HSPG2: variants seen among roughly 807,000 people sequenced by gnomAD.
HSPG2 encodes heparan sulfate proteoglycan 2, also known as basement membrane-specific heparan sulfate proteoglycan core protein.
Under a neutral mutation model 526.6 loss-of-function variants are expected in HSPG2, and 278 were observed. That is an observed-to-expected ratio of 0.53 (90% CI 0.48 to 0.58). The LOEUF (loss-of-function observed/expected upper bound fraction) is 0.58, where lower values mean the gene tolerates loss of function less well. HSPG2 is among the 20% of genes least tolerant of loss of function. The pLI, the probability that HSPG2 is intolerant of heterozygous loss-of-function variation, is 0.00. For synonymous variants in HSPG2, 2,465 were observed against 2,555.4 expected (o/e 0.96, Z 1.07); for missense variants, 5,354 against 6,099.5 (o/e 0.88, Z 4.07).
Position 21,833,625 on chromosome 1 carries a change from A to G in HSPG2, c.10831-11T>C, listed in dbSNP as rs1176147505. ...CAGGCTGCCATCCAGCTGCAAATGC[A>G]CTAGCACTGAGGGCCCTGGCCTTGG... On this transcript the variant is annotated splice_polypyrimidine_tract_variant and intron_variant, in intron 78 of 96. Transcript: ENST00000374695. The G allele has an allele frequency of 6.2e-7, 1 of 1,613,978 alleles. No individual in the cohort carries two copies. Among genetic ancestry groups the G allele is most frequent in the South Asian group, 1.1e-5 (1 of 91,068 alleles).
In HSPG2 at chr1:21,845,977, G is replaced by T; in HGVS notation, c.8464+131C>A. The T allele has an allele frequency of 5.3e-6, 6 of 1,139,516 alleles. No individual in the cohort carries two copies. The South Asian group carries it at 8.0e-5, about 15-fold the overall frequency. The allele number at this position is 1,139,516 out of a possible 1,614,324, so 70.6% of individuals were successfully genotyped here. ...TCCTGGGACCGTGTGGGTGGCGGGA[G>T]GTGAAGTCTGGAATCAGAGCGGCAG... On this transcript the variant is annotated intron_variant, in intron 64 of 96. Transcript: ENST00000374695.
rs772375367 is a variant in HSPG2, at chr1:21,846,543, C to G, written c.8221G>C (p.Gly2741Arg). The G allele has an allele frequency of 2.5e-6, 4 of 1,613,654 alleles. No homozygotes were observed. The African/African-American group carries it at 5.3e-5, about 22-fold the overall frequency. Residue 2741 changes from glycine to arginine, a missense_variant, in exon 63 of 97, where the codon GGG becomes CGG. By Grantham distance (125) the Gly-to-Arg change is moderately radical. Coordinates refer to ENST00000374695, the MANE Select transcript of HSPG2 (RefSeq NM_005529.7). Reference protein sequence around the residue: ...IESSSSHVAEGETLDLNCVVP... With the variant: ...IESSSSHVAERETLDLNCVVP... ...ACGCAGTTCAGATCCAGGGTCTCCC[C>G]TTCGGCCACGTGTGAGGAGGATGAC... is the stretch of plus-strand genomic sequence containing the variant.
chr1:21,865,731 C>T lies in HSPG2; in HGVS notation c.4300G>A (p.Asp1434Asn), dbSNP rs369941068. 9.3e-5 allele frequency: 150 copies of T among 1,613,464 alleles called. No homozygotes were observed. The highest frequency in any genetic ancestry group is 1.2e-4 in the Non-Finnish European group (147 of 1,179,760). ...GPQGSPLSDP[D>N]VQITGNNIML... is the part of the protein sequence containing the mutation. ...CAAATGCTCACCGTGATCTGCACATCGGGGTCAGAGAGTGGGCTGCCCTGT... is the reference window on the plus strand; with the variant it reads ...CAAATGCTCACCGTGATCTGCACATTGGGGTCAGAGAGTGGGCTGCCCTGT... The change falls in exon 34 of 97, where the codon GAT becomes AAT. Residue 1434 changes from aspartate to asparagine, a missense_variant. Coordinates refer to ENST00000374695, the MANE Select transcript of HSPG2 (RefSeq NM_005529.7). The surrounding 1 kb of genome is among the most constrained non-coding windows in gnomAD (Gnocchi z 5.4).
intron 52 of HSPG2, 29 bp from the exon 53 acceptor site, chr1:21,852,262 T>G (rs748977924): frequency 6.2e-7 from 1 of 1,613,558 alleles, no homozygotes; most frequent in Non-Finnish European, 8.5e-7. Context: ...GAGTGAGAGT[T>G]GTAGATGCTC....
chr1:21,867,648 C>G (rs930089053), intron 33 of HSPG2, among the ~76,000 whole-genome samples: 3 of 152,174 alleles, frequency 2.0e-5, no homozygotes, highest in Non-Finnish European at 4.4e-5. Context: ...GCTCCACCCT[C>G]GGCTCCAGCA....
In HSPG2 at chr1:21,875,639, C is replaced by T. The variant is rs2501264; in HGVS notation, c.3292G>A (p.Ala1098Thr). Residue 1098 changes from alanine to threonine, a missense_variant, in exon 25 of 97, where the codon GCT becomes ACT. Transcript: ENST00000374695. ...CCCGGCTCCAGACACCTGCTCTCAG[C>T]GGGCTGCTGGGCGTAGGATGCTCGG... ...LIRASYAQQP[A>T]ESRVSGISMD... 1.7e-3 allele frequency: 2,724 copies of T among 1,601,374 alleles called. 30 individuals are homozygous for T. In the African/African-American group the frequency reaches 0.023, roughly 14 times the overall value.
chr1:21,908,033 G>A, intron 1 of HSPG2: 1 of 713,188 alleles, frequency 1.4e-6, no homozygotes. Flanking sequence ...ACAGCACATG[G>A]TGAATGTTCT....
At position 21,857,159 on chromosome 1, in the gene HSPG2, T is replaced by C. The variant is rs375423521; in HGVS notation, c.5431A>G (p.Asn1811Asp). 1.2e-6 allele frequency: 2 copies of C among 1,614,046 alleles called. No homozygotes were observed. Among genetic ancestry groups the C allele is most frequent in the South Asian group, 1.1e-5 (1 of 91,074 alleles). ...AYTLVWTRLH[N>D]GKLPTRAMDF... ...ATGGCTCGGGTGGGCAGTTTCCCGT[T>C]GTGCAGGCGGGTCCACACCAGGGTA... Residue 1811 changes from asparagine (N) to aspartate (D), a missense_variant, in exon 44 of 97, where the codon AAC (asparagine) becomes GAC (aspartate). By Grantham distance (23) the Asn-to-Asp change is conservative. Transcript: ENST00000374695.
chr1:21,880,029 G>T, intron 17 of HSPG2, 78 bp downstream of exon 17: 1 of 1,525,196 alleles, frequency 6.6e-7, no homozygotes, highest in Non-Finnish European at 9.1e-7. Flanking sequence ...GGCTTGTGCT[G>T]AGCTCATGAA....
chr1:21,851,352 C>G (rs1456218697), intron 55 of HSPG2, 194 bp downstream of exon 55: 6 of 705,624 alleles, frequency 8.5e-6, no homozygotes, highest in Non-Finnish European at 1.4e-5. Context: ...AGGTCACAAG[C>G]TAAGTGGTGG....
At chr1:21,922,672 C>A (rs1348073613) in intron 1 of HSPG2, among the ~76,000 whole-genome samples, 2 of 152,140 alleles carry the variant, frequency 1.3e-5, no homozygotes, top group African/African-American at 4.8e-5. Context: ...CTGAAGCCAA[C>A]GTAAGGTGGA....
chr1:21,890,539 C>T lies in HSPG2; in HGVS notation c.354+46G>A. Reference sequence around the variant, plus strand: ...CAGAGGCCTTCACCCCATCCTCGGTCCTGCCCCGCCACACCCGCGAGCTTC... The same window carrying T: ...CAGAGGCCTTCACCCCATCCTCGGTTCTGCCCCGCCACACCCGCGAGCTTC... On this transcript the variant is annotated intron_variant, in intron 4 of 96. Coordinates refer to ENST00000374695, the MANE Select transcript of HSPG2 (RefSeq NM_005529.7). This position sits in a 1 kb window ranked among gnomAD's most constrained non-coding sequence, Gnocchi z 4.1. The T allele has an allele frequency of 1.2e-6, 2 of 1,610,198 alleles. No homozygotes were observed. The highest frequency in any genetic ancestry group is 2.2e-5 in the South Asian group (2 of 91,022).
intron 81 of HSPG2, 103 bp downstream of exon 81, chr1:21,832,392 C>G: frequency 1.0e-6 from 1 of 967,924 alleles, no homozygotes; most frequent in Non-Finnish European, 1.7e-6. Context: ...CACATTTTCT[C>G]CTTCCTCCAG....
Position 21,842,351 on chromosome 1 carries a change from G to A in HSPG2, c.8940C>T (p.Leu2980=), listed in dbSNP as rs761996386. 31 of 1,610,060 alleles carry A rather than the reference G, an allele frequency of 1.9e-5. No homozygotes were observed. Among genetic ancestry groups the A allele is most frequent in the South Asian group, 3.3e-5 (3 of 90,826 alleles). ...ACTCGCCTGAGTCGGCAGGGGAGAC[G>A]AGGTGGAGCCGCAGCTGGGAGCCAT... ...QTHGSQLRLH[L]VSPADSGEYV... Residue 2980 remains leucine, a synonymous_variant, in exon 68 of 97, where the codon CTC becomes CTT. Transcript: ENST00000374695.
In HSPG2 at chr1:21,828,277, G is replaced by A. The variant is rs1163017149; in HGVS notation, c.12387C>T (p.Cys4129=). Residue 4129 remains cysteine, a synonymous_variant, in exon 89 of 97, where the codon TGC becomes TGT. Coordinates refer to ENST00000374695, the MANE Select transcript of HSPG2 (RefSeq NM_005529.7). This position sits in a 1 kb window ranked among gnomAD's most constrained non-coding sequence, Gnocchi z 6.0. ...CMPAGEYEFQ[C]LCRDGFKGDL... ...CACCTTTGAATCCATCTCGACACAGGCACTGGAACTCATACTCGCCAGCGG... is the reference window on the plus strand; with the variant it reads ...CACCTTTGAATCCATCTCGACACAGACACTGGAACTCATACTCGCCAGCGG... 6.2e-7 allele frequency: 1 copy of A among 1,613,630 alleles called. No individual in the cohort carries two copies. Among genetic ancestry groups the A allele is most frequent in the Non-Finnish European group, 8.5e-7 (1 of 1,180,046 alleles).
Position 21,831,066 on chromosome 1 carries a change from C to G in HSPG2, c.11587G>C (p.Glu3863Gln). Residue 3863 changes from glutamate (E) to glutamine (Q), a missense_variant, in exon 85 of 97, where the codon GAG (glutamate) becomes CAG (glutamine). Physicochemically the swap from Glu to Gln is conservative, Grantham distance 29. Transcript: ENST00000374695. ...CAGACGCACACGTAGCTGCTGCTCT[C>G]AGAGTCATGGCACTGACCGCCATTC... The part of the protein sequence containing the change: ...CQNGGQCHDS[E>Q]SSSYVCVCPA... 1.3e-6 allele frequency: 2 copies of G among 1,597,644 alleles called. No individual in the cohort carries two copies. The highest frequency in any genetic ancestry group is 1.7e-6 in the Non-Finnish European group (2 of 1,172,368).
intron 50 of HSPG2, chr1:21,853,619 T>G: frequency 5.8e-6 from 1 of 170,976 alleles, no homozygotes; most frequent in Non-Finnish European, 1.3e-5. Flanking sequence ...GTGGCGGGTG[T>G]GCCTGTAGTC....
intron 23 of HSPG2, 28 bp from the exon 24 acceptor site, chr1:21,876,070 C>G (rs376008835): frequency 6.2e-7 from 1 of 1,612,228 alleles, no homozygotes; most frequent in African/African-American, 1.3e-5. Flanking sequence ...CAGGAGCTTG[C>G]GGAGGCCTGA....
rs768420279 is a variant in HSPG2, at chr1:21,876,031, A to G, written c.3015T>C (p.Tyr1005=). ...TCACTGTGAAGCGCAGCTCTCCTCC[A>G]TAGGAGGTCACCTGGGACCAGGGTT... ...SRFLGDKVTS[Y]GGELRFTVTQ... Residue 1005 remains tyrosine, a synonymous_variant, in exon 24 of 97, where the codon TAT becomes TAC. Coordinates refer to ENST00000374695, the MANE Select transcript of HSPG2 (RefSeq NM_005529.7). 6.2e-7 allele frequency: 1 copy of G among 1,613,934 alleles called. No individual in the cohort carries two copies. The highest frequency in any genetic ancestry group is 8.5e-7 in the Non-Finnish European group (1 of 1,179,932).
Sources: allele counts gnomAD v4.1 joint callset (sites outside exome capture counted in the v4.1 genomes callset), GRCh38; gene constraint gnomAD v4.1.1; non-coding constraint Gnocchi (gnomAD v3.1); transcripts MANE v1.5; gene names NCBI Gene and HGNC (gene_info 2026-07-23, HGNC 2026-07-21).